NCOA3: variants seen among roughly 807,000 people sequenced by gnomAD.
NCOA3 encodes the protein CBP-interacting protein.
Under a neutral mutation model 158.8 loss-of-function variants are expected in NCOA3, and 51 were observed. That is an observed-to-expected ratio of 0.32 (90% CI 0.26 to 0.41). NCOA3 has a LOEUF of 0.41. Among genes scored for constraint, NCOA3 ranks in the 10% least tolerant of loss-of-function variants. The pLI is 1.00. For missense variants in NCOA3, 1,510 were observed against 1,746.6 expected (o/e 0.86, Z 2.41); for synonymous variants, 537 against 592.4 (o/e 0.91, Z 1.36).
chr20:47,589,583 C>G (rs1255591012), intron 2 of NCOA3, among the ~76,000 whole-genome samples: 1 of 151,918 alleles, frequency 6.6e-6, no homozygotes, highest in East Asian at 1.9e-4. Context: ...GCCATGTTGT[C>G]CAGGTTGATC....
At chr20:47,504,478 CTTTTTTTTT>C (rs58220390) in intron 1 of NCOA3, among the ~76,000 whole-genome samples, 29 of 98,686 alleles carry the variant, frequency 2.9e-4, no homozygotes, top group African/African-American at 1.0e-3. Flanking sequence ...CTAAGTGTGT[CTTTTTTTTT>C]TTTTTTTTTT....
chr20:47,518,184 C>CA lies in NCOA3; in HGVS notation c.-99+16177dup, dbSNP rs915828403. Reference sequence around the variant, plus strand: ...CAACATAGGGAGACCCCGTCTCTGCCAAAAAAAAAAAATTAGCTGGGCATG... The same window carrying CA: ...CAACATAGGGAGACCCCGTCTCTGCCAAAAAAAAAAAAATTAGCTGGGCATG... On this transcript the variant is annotated intron_variant, in intron 1 of 22. Coordinates refer to ENST00000371998, the MANE Select transcript of NCOA3 (RefSeq NM_181659.3). 2.6e-3 allele frequency among the ~76,000 whole-genome samples: 362 copies of CA among 138,856 alleles called. 1 individual carries two copies. The highest frequency in any genetic ancestry group is 6.6e-3 in the African/African-American group (249 of 37,890). The allele number at this position is 138,856 out of a possible 152,430, so 91.1% of individuals were successfully genotyped here. A position where few individuals can be genotyped will look rare whatever the true frequency, so the allele number is the denominator to read the frequency against.
At chr20:47,606,361 C>T (rs1244766110) in intron 2 of NCOA3, among the ~76,000 whole-genome samples, 1 of 152,146 alleles carries the variant, frequency 6.6e-6, no homozygotes, top group Non-Finnish European at 1.5e-5. Context: ...GGTGTTTGCA[C>T]CGATGGTGGA....
At chr20:47,637,120 A>G (rs1177630664) in intron 12 of NCOA3, among the ~76,000 whole-genome samples, 1 of 152,200 alleles carries the variant, frequency 6.6e-6, no homozygotes, top group African/African-American at 2.4e-5. Flanking sequence ...AGTTTCATGC[A>G]CAAGATGACA....
chr20:47,548,021 A>G (rs2084861779), intron 1 of NCOA3, among the ~76,000 whole-genome samples: 2 of 151,686 alleles, frequency 1.3e-5, no homozygotes, highest in Non-Finnish European at 2.9e-5. Flanking sequence ...GTGAGCCACC[A>G]TGCTCAGCCT....
intron 1 of NCOA3, among the ~76,000 whole-genome samples, chr20:47,575,847 G>A (rs2085365582): frequency 1.3e-5 from 2 of 152,210 alleles, no homozygotes; most frequent in South Asian, 4.1e-4. Context: ...TAATAGTAGA[G>A]CAGTTAATAC....
At chr20:47,522,847 G>T (rs944013433) in intron 1 of NCOA3, among the ~76,000 whole-genome samples, 2 of 151,538 alleles carry the variant, frequency 1.3e-5, no homozygotes, top group African/African-American at 4.9e-5. Context: ...TGTTGGCCTG[G>T]CTCTAAGAGC....
intron 2 of NCOA3, among the ~76,000 whole-genome samples, chr20:47,608,938 T>C (rs1422849349): frequency 6.6e-6 from 1 of 152,188 alleles, no homozygotes; most frequent in African/African-American, 2.4e-5. Context: ...AATCTGAAGT[T>C]TGGCCAATTT....
intron 1 of NCOA3, among the ~76,000 whole-genome samples, chr20:47,555,362 T>C (rs1259195048): frequency 6.6e-6 from 1 of 152,210 alleles, no homozygotes; most frequent in Non-Finnish European, 1.5e-5. Flanking sequence ...GCCAGGGCCC[T>C]GCACTGATCT....
At chr20:47,639,315 T>C (rs2086566924) in intron 14 of NCOA3, 113 bp downstream of exon 14, 1 of 991,202 alleles carries the variant, frequency 1.0e-6, no homozygotes, top group Non-Finnish European at 1.5e-6. Flanking sequence ...AACGTTAGTA[T>C]GTTTCTTCCA....
chr20:47,590,829 G>T (rs969126664), intron 2 of NCOA3, among the ~76,000 whole-genome samples: 1 of 151,804 alleles, frequency 6.6e-6, no homozygotes, highest in Non-Finnish European at 1.5e-5. Flanking sequence ...ACAAAAAACG[G>T]CTGGGCATGG....
At chr20:47,652,151 ACCCATT>A (rs2086805540) in intron 20 of NCOA3, among the ~76,000 whole-genome samples, 1 of 151,900 alleles carries the variant, frequency 6.6e-6, no homozygotes, top group Non-Finnish European at 1.5e-5. Flanking sequence ...TCTACAGGAA[ACCCATT>A]AAAGCAACTG....
chr20:47,628,066 T>A, intron 8 of NCOA3, 43 bp downstream of exon 8: 1 of 1,427,102 alleles, frequency 7.0e-7, no homozygotes, highest in Non-Finnish European at 9.8e-7. Flanking sequence ...TGTGTATACG[T>A]ACATTTTTAT....
chr20:47,632,969 C>G (rs1446382265), intron 8 of NCOA3, among the ~76,000 whole-genome samples: 1 of 152,150 alleles, frequency 6.6e-6, no homozygotes, highest in African/African-American at 2.4e-5. Context: ...GCGTGAGGCA[C>G]CGTGCTAGGC....
At chr20:47,632,689 GT>G (rs35508741) in intron 8 of NCOA3, among the ~76,000 whole-genome samples, 65,408 of 141,050 alleles carry the variant, frequency 0.46, 15,174 homozygotes, top group Middle Eastern at 0.6. Flanking sequence ...GCTGGCCCGA[GT>G]TTTTTTTTTT....
intron 7 of NCOA3, 58 bp from the exon 8 acceptor site, chr20:47,627,864 G>T: frequency 1.9e-6 from 3 of 1,580,164 alleles, no homozygotes; most frequent in Non-Finnish European, 2.6e-6. Context: ...CTTGCCTATT[G>T]AACATATATA....
chr20:47,585,836 C>G (rs1022048254), intron 2 of NCOA3, among the ~76,000 whole-genome samples: 6 of 152,066 alleles, frequency 3.9e-5, no homozygotes, highest in African/African-American at 1.4e-4. Flanking sequence ...AAGTTACCAG[C>G]CTTAGGTCTT....
intron 1 of NCOA3, among the ~76,000 whole-genome samples, chr20:47,529,158 A>G (rs2084505693): frequency 7.0e-6 from 1 of 142,076 alleles, no homozygotes; most frequent in Non-Finnish European, 1.5e-5. Flanking sequence ...TTTGAGATGG[A>G]GTTTCACTCT....
chr20:47,570,491 G>A (rs1337617379), intron 1 of NCOA3, among the ~76,000 whole-genome samples: 1 of 152,130 alleles, frequency 6.6e-6, no homozygotes, highest in East Asian at 1.9e-4. Context: ...AAGTTTCATC[G>A]TGAGGTTACA....
Sources: gnomAD v4.1 joint callset for allele counts (sites outside exome capture counted in the v4.1 genomes callset) on GRCh38, gnomAD v4.1.1 for gene constraint, MANE v1.5 for transcripts, NCBI Gene and HGNC (gene_info 2026-07-23, HGNC 2026-07-21) for gene names.